CALN1: variants seen among roughly 807,000 people sequenced by gnomAD.
CALN1 encodes the protein calneuron 1.
CALN1 carries 17 observed loss-of-function variants against 30.6 expected under a neutral mutation model. The observed-to-expected ratio is 0.56, with a 90% confidence interval of 0.38 to 0.83. The LOEUF (loss-of-function observed/expected upper bound fraction) is 0.83, where lower values mean the gene tolerates loss of function less well. Ranked by LOEUF, CALN1 falls within the 40% of genes least tolerant of loss-of-function variation. CALN1 has a pLI of 0.00. For missense variants in CALN1, 291 were observed against 354.9 expected (o/e 0.82, Z 1.45); for synonymous variants, 156 against 131.4 (o/e 1.19, Z -1.28).
In CALN1 at chr7:71,785,909, AG is replaced by A. The variant is rs1792961456; in HGVS notation, c.*1865del. The A allele has an allele frequency of 1.3e-5, 2 of 152,818 alleles. No homozygotes were observed. The highest frequency in any genetic ancestry group is 4.8e-5 in the African/African-American group (2 of 41,470). The allele number at this position is 152,818 out of a possible 1,614,324, so 9.5% of individuals were successfully genotyped here. On this transcript the variant is annotated 3_prime_UTR_variant, in exon 7 of 7. Coordinates refer to ENST00000395275, the MANE Select transcript of CALN1 (RefSeq NM_031468.4). Reference sequence around the variant, plus strand: ...GTCTGGCCTTGCTGGGCTGAACTCCAGGAAGTTTTGCAGAGGGACCTGTGAT... The same window carrying A: ...GTCTGGCCTTGCTGGGCTGAACTCCAGAAGTTTTGCAGAGGGACCTGTGAT...
At chr7:72,278,936 A>C (rs1797547330) in intron 2 of CALN1, 126 bp from the exon 3 acceptor site, 2 of 1,317,642 alleles carry the variant, frequency 1.5e-6, no homozygotes, top group Admixed American at 2.3e-5. Flanking sequence ...TAATATTTCT[A>C]GTGGGAAAGT....
chr7:71,850,308 C>T (rs796176717), intron 5 of CALN1, among the ~76,000 whole-genome samples: 2 of 152,112 alleles, frequency 1.3e-5, no homozygotes. Flanking sequence ...CTCCGCCTCC[C>T]GGGTTCAAGC....
At chr7:72,188,942 A>G (rs754013756) in intron 3 of CALN1, among the ~76,000 whole-genome samples, 1 of 152,046 alleles carries the variant, frequency 6.6e-6, no homozygotes. Flanking sequence ...AGCTCTCCCC[A>G]TCTTGGTCTA....
At chr7:71,897,262 T>C (rs1344647766) in intron 5 of CALN1, among the ~76,000 whole-genome samples, 4 of 152,222 alleles carry the variant, frequency 2.6e-5, no homozygotes, top group Non-Finnish European at 5.9e-5. Context: ...CAGAAGTATT[T>C]TAGTGAGAAT....
chr7:71,791,421 G>T (rs1793379115), intron 6 of CALN1, among the ~76,000 whole-genome samples: 1 of 152,168 alleles, frequency 6.6e-6, no homozygotes, highest in African/African-American at 2.4e-5. Flanking sequence ...GGTGCTGGAG[G>T]CCATGATCCT....
intron 3 of CALN1, among the ~76,000 whole-genome samples, chr7:72,239,331 G>A (rs753343501): frequency 5.3e-5 from 8 of 152,030 alleles, no homozygotes; most frequent in Non-Finnish European, 8.8e-5. Flanking sequence ...TCAGGAGTGA[G>A]GCTATAATAA....
intron 3 of CALN1, among the ~76,000 whole-genome samples, chr7:72,207,276 T>C (rs1163174429): frequency 6.6e-6 from 1 of 152,162 alleles, no homozygotes; most frequent in Non-Finnish European, 1.5e-5. Flanking sequence ...TATCTTGAGT[T>C]TTGGGTTGAA....
intron 5 of CALN1, among the ~76,000 whole-genome samples, chr7:72,011,410 G>T (rs1245737139): frequency 6.6e-6 from 1 of 152,016 alleles, no homozygotes; most frequent in African/African-American, 2.4e-5. Flanking sequence ...TGAACTCTGC[G>T]CTGTGGGTCA....
At chr7:71,903,849 GGAA>G (rs1287921360) in intron 5 of CALN1, among the ~76,000 whole-genome samples, 1 of 151,978 alleles carries the variant, frequency 6.6e-6, no homozygotes, top group Non-Finnish European at 1.5e-5. Context: ...TAACTCCATT[GGAA>G]GAAAACAAAA....
At chr7:72,376,475 C>A (rs1804563267) in intron 2 of CALN1, among the ~76,000 whole-genome samples, 1 of 152,170 alleles carries the variant, frequency 6.6e-6, no homozygotes, top group Non-Finnish European at 1.5e-5. Flanking sequence ...GATGACTGAG[C>A]ATCTTTCATG....
intron 3 of CALN1, among the ~76,000 whole-genome samples, chr7:72,240,138 G>A (rs1794734176): frequency 1.3e-5 from 2 of 152,002 alleles, no homozygotes; most frequent in African/African-American, 4.8e-5. Flanking sequence ...GCTACTTTGG[G>A]AAGTCTCATA....
At chr7:71,950,540 C>T (rs1324190829) in intron 5 of CALN1, among the ~76,000 whole-genome samples, 3 of 152,140 alleles carry the variant, frequency 2.0e-5, no homozygotes, top group African/African-American at 7.2e-5. Context: ...AACTGATCCT[C>T]TCCCCACCAC....
At chr7:71,995,961 C>T (rs1031823525) in intron 5 of CALN1, among the ~76,000 whole-genome samples, 1 of 152,026 alleles carries the variant, frequency 6.6e-6, no homozygotes, top group Admixed American at 6.5e-5. Context: ...AATCTCCTCC[C>T]GCAAAGAGAT....
intron 5 of CALN1, among the ~76,000 whole-genome samples, chr7:71,920,326 AG>A (rs1794875587): frequency 7.7e-6 from 1 of 130,610 alleles, no homozygotes; most frequent in African/African-American, 3.0e-5. Context: ...TGGACAAATT[AG>A]TTCTTTTTTT....
chr7:72,026,564 G>C (rs1400680805), intron 4 of CALN1, among the ~76,000 whole-genome samples: 1 of 151,604 alleles, frequency 6.6e-6, no homozygotes. Context: ...CAGCCTGGGC[G>C]ACAGAGCAAG....
At chr7:72,336,018 C>T (rs1802002940) in intron 2 of CALN1, among the ~76,000 whole-genome samples, 1 of 152,202 alleles carries the variant, frequency 6.6e-6, no homozygotes, top group Non-Finnish European at 1.5e-5. Flanking sequence ...CCACCCCCAC[C>T]TGGGCGCCAG....
At chr7:71,870,098 G>C (rs956192283) in intron 5 of CALN1, among the ~76,000 whole-genome samples, 4 of 152,188 alleles carry the variant, frequency 2.6e-5, no homozygotes, top group Non-Finnish European at 5.9e-5. Flanking sequence ...AAGAAACAAA[G>C]AGTGGCTGGC....
intron 2 of CALN1, among the ~76,000 whole-genome samples, chr7:72,400,689 G>A (rs1806282303): frequency 6.6e-6 from 1 of 152,194 alleles, no homozygotes; most frequent in South Asian, 2.1e-4. Flanking sequence ...GGTCAACATG[G>A]TGAAACCCCG....
intron 3 of CALN1, among the ~76,000 whole-genome samples, chr7:72,119,519 A>G (rs929432191): frequency 2.2e-5 from 2 of 92,152 alleles, no homozygotes; most frequent in African/African-American, 8.0e-5. Context: ...AAAGAAAGGA[A>G]AAAAAAAAAC....
Sources: gnomAD v4.1 joint callset for allele counts (sites outside exome capture counted in the v4.1 genomes callset) on GRCh38, gnomAD v4.1.1 for gene constraint, MANE v1.5 for transcripts, NCBI Gene and HGNC (gene_info 2026-07-23, HGNC 2026-07-21) for gene names.